APBB1IP: variants seen among roughly 807,000 people sequenced by gnomAD.
APBB1IP encodes amyloid beta A4 precursor protein-binding family B member 1-interacting protein.
Under a neutral mutation model 64.9 loss-of-function variants are expected in APBB1IP, and 27 were observed. The ratio of observed to expected loss-of-function variants is 0.42; its 90% CI spans 0.31 to 0.57. APBB1IP has a LOEUF of 0.57. APBB1IP is among the 20% of genes least tolerant of loss of function. The probability of loss-of-function intolerance (pLI) is 0.20; values close to 1 mark genes in which losing one functional copy is unlikely to be tolerated. For synonymous variants in APBB1IP, 392 were observed against 331.0 expected (o/e 1.18, Z -2.00); for missense variants, 812 against 845.5 (o/e 0.96, Z 0.49).
At chr10:26,460,994 T>C (rs967935142) in intron 2 of APBB1IP, among the ~76,000 whole-genome samples, 6 of 152,096 alleles carry the variant, frequency 3.9e-5, no homozygotes, top group Non-Finnish European at 8.8e-5. Flanking sequence ...TGTGTCTGCT[T>C]GACTAATCAC....
intron 11 of APBB1IP, among the ~76,000 whole-genome samples, chr10:26,555,368 C>A (rs76236870): frequency 1.3e-5 from 2 of 152,170 alleles, no homozygotes; most frequent in Non-Finnish European, 2.9e-5. Context: ...GTTTCCAGAC[C>A]TCAGCCATAC....
chr10:26,499,203 C>A (rs1836066047), intron 4 of APBB1IP, among the ~76,000 whole-genome samples: 1 of 151,794 alleles, frequency 6.6e-6, no homozygotes, highest in Non-Finnish European at 1.5e-5. Context: ...GAGGTCGAGG[C>A]TACAGTGAGC....
chr10:26,497,755 C>A (rs1223667270), intron 4 of APBB1IP, among the ~76,000 whole-genome samples: 2 of 117,572 alleles, frequency 1.7e-5, no homozygotes, highest in East Asian at 2.9e-4. Context: ...CAGGCAGAGT[C>A]TCTCTCTGTC....
At chr10:26,482,242 A>C (rs1056357167) in intron 2 of APBB1IP, among the ~76,000 whole-genome samples, 1 of 152,172 alleles carries the variant, frequency 6.6e-6, no homozygotes, top group Non-Finnish European at 1.5e-5. Flanking sequence ...TCTTCACCTT[A>C]GTTCTCTGTT....
At chr10:26,508,643 T>C (rs1836214617) in intron 6 of APBB1IP, among the ~76,000 whole-genome samples, 1 of 151,644 alleles carries the variant, frequency 6.6e-6, no homozygotes, top group South Asian at 2.1e-4. Flanking sequence ...TAATGTTATG[T>C]GTTGGTATAG....
At chr10:26,498,450 A>C (rs760634863) in intron 4 of APBB1IP, among the ~76,000 whole-genome samples, 1 of 152,178 alleles carries the variant, frequency 6.6e-6, no homozygotes, top group Non-Finnish European at 1.5e-5. Context: ...CGGAGGTTGC[A>C]GTGAGCCAAG....
chr10:26,472,267 A>C (rs1835726799), intron 2 of APBB1IP, among the ~76,000 whole-genome samples: 1 of 152,232 alleles, frequency 6.6e-6, no homozygotes, highest in Non-Finnish European at 1.5e-5. Flanking sequence ...CATTTTCAAC[A>C]ATAGAGCTGA....
Position 26,566,206 on chromosome 10 carries a change from G to A in APBB1IP, c.1474-755G>A, listed in dbSNP as rs528416532. On this transcript the variant is annotated intron_variant, in intron 14 of 14. Coordinates refer to ENST00000376236, the MANE Select transcript of APBB1IP (RefSeq NM_019043.4). ...GGCTGAGGCAGGAGGATCACTTGAGGCTAGGAGTCTGAGACTAACCTGGGC... is the reference window on the plus strand; with the variant it reads ...GGCTGAGGCAGGAGGATCACTTGAGACTAGGAGTCTGAGACTAACCTGGGC... 7.9e-5 allele frequency among the ~76,000 whole-genome samples: 12 copies of A among 152,136 alleles called. No homozygotes were observed. In the South Asian group the frequency reaches 1.7e-3, roughly 21 times the overall value.
intron 2 of APBB1IP, among the ~76,000 whole-genome samples, chr10:26,474,662 T>C (rs2132417659): frequency 6.6e-6 from 1 of 152,374 alleles, no homozygotes; most frequent in Non-Finnish European, 1.5e-5. Context: ...AAAAAATAAA[T>C]TGTCTTCCTT....
intron 2 of APBB1IP, among the ~76,000 whole-genome samples, chr10:26,489,677 G>A (rs12412826): frequency 0.066 from 10,103 of 152,222 alleles, 449 homozygotes; most frequent in South Asian, 0.11. Context: ...AAGTATTATT[G>A]TTATCACCAT....
At chr10:26,539,371 C>A (rs1272489303) in intron 10 of APBB1IP, among the ~76,000 whole-genome samples, 5 of 136,794 alleles carry the variant, frequency 3.7e-5, no homozygotes, top group African/African-American at 1.4e-4. Context: ...ATGTTCGTGC[C>A]ACTGCACTCC....
chr10:26,478,468 T>C (rs546705521), intron 2 of APBB1IP, among the ~76,000 whole-genome samples: 4 of 152,134 alleles, frequency 2.6e-5, no homozygotes, highest in African/African-American at 9.6e-5. Flanking sequence ...GGTGGTTCAC[T>C]TGAGGTCAGG....
At chr10:26,524,955 C>CTTTCTTTTTTTTTTTTT (rs747655095) in intron 8 of APBB1IP, among the ~76,000 whole-genome samples, 3 of 73,970 alleles carry the variant, frequency 4.1e-5, no homozygotes, top group Non-Finnish European at 7.8e-5. Context: ...TTCTTTCTTT[C>CTTTCTTTTTTTTTTTTT]TTTTTTTTTT....
intron 8 of APBB1IP, among the ~76,000 whole-genome samples, chr10:26,515,479 C>T (rs1003845615): frequency 6.6e-6 from 1 of 152,158 alleles, no homozygotes; most frequent in African/African-American, 2.4e-5. Flanking sequence ...AAATTAGTTA[C>T]ATAATGACAC....
intron 2 of APBB1IP, among the ~76,000 whole-genome samples, chr10:26,481,867 G>A (rs538297322): frequency 1.4e-5 from 2 of 141,844 alleles, no homozygotes; most frequent in East Asian, 4.2e-4. Context: ...GTGTGTGTGT[G>A]TCTTTACTGC....
At chr10:26,448,356 T>C (rs1302068170) in intron 2 of APBB1IP, among the ~76,000 whole-genome samples, 3 of 152,214 alleles carry the variant, frequency 2.0e-5, no homozygotes, top group Non-Finnish European at 4.4e-5. Context: ...ATTAATGAGC[T>C]ATTTTATTCC....
chr10:26,501,145 C>T (rs762431957), intron 5 of APBB1IP, 34 bp downstream of exon 5: 12 of 1,613,184 alleles, frequency 7.4e-6, no homozygotes, highest in Non-Finnish European at 1.0e-5. Context: ...GCAGGACCAT[C>T]AACCTCTGCT....
intron 2 of APBB1IP, among the ~76,000 whole-genome samples, chr10:26,462,966 C>T (rs1295499286): frequency 6.6e-6 from 1 of 152,168 alleles, no homozygotes; most frequent in African/African-American, 2.4e-5. Flanking sequence ...GAGCAAGCCT[C>T]CTTCTGGACT....
At chr10:26,509,375 C>T (rs1223949143) in intron 6 of APBB1IP, among the ~76,000 whole-genome samples, 1 of 152,156 alleles carries the variant, frequency 6.6e-6, no homozygotes, top group Non-Finnish European at 1.5e-5. Context: ...ATTTTGACTG[C>T]CCCATGTCTA....
Sources: allele counts gnomAD v4.1 joint callset (sites outside exome capture counted in the v4.1 genomes callset), GRCh38; gene constraint gnomAD v4.1.1; transcripts MANE v1.5; gene names NCBI Gene and HGNC (gene_info 2026-07-23, HGNC 2026-07-21).